KPNB1: variants seen among roughly 807,000 people sequenced by gnomAD.
KPNB1 encodes importin subunit beta-1.
KPNB1 carries 7 observed loss-of-function variants against 113.0 expected under a neutral mutation model. The observed-to-expected ratio is 0.06, with a 90% CI of 0.04 to 0.12. The LOEUF is 0.12. Among genes scored for constraint, KPNB1 ranks in the 10% least tolerant of loss-of-function variants. KPNB1 has a pLI of 1.00. For missense variants in KPNB1, 400 were observed against 1,054.8 expected, an observed-to-expected ratio of 0.38 and a Z score of 8.60; for synonymous variants, 363 against 378.6, an observed-to-expected ratio of 0.96 and a Z score of 0.48.
intron 4 of KPNB1, among the ~76,000 whole-genome samples, chr17:47,657,348 C>T (rs984115018): frequency 1.3e-5 from 2 of 152,170 alleles, no homozygotes; most frequent in African/African-American, 4.8e-5. Context: ...TTATCCCTGA[C>T]CCAGTCTTTT....
intron 19 of KPNB1, among the ~76,000 whole-genome samples, chr17:47,678,799 G>A (rs949417276): frequency 2.0e-5 from 3 of 152,306 alleles, no homozygotes; most frequent in African/African-American, 4.8e-5. Context: ...GTAGAGGCAA[G>A]CTTTCACCTT....
At chr17:47,658,250 A>G (rs2029967540) in intron 4 of KPNB1, among the ~76,000 whole-genome samples, 1 of 152,312 alleles carries the variant, frequency 6.6e-6, no homozygotes, top group South Asian at 2.1e-4. Flanking sequence ...ACATCCTCCC[A>G]TATACTTTAA....
chr17:47,657,481 G>C (rs1019051239), intron 4 of KPNB1, among the ~76,000 whole-genome samples: 1 of 152,048 alleles, frequency 6.6e-6, no homozygotes, highest in African/African-American at 2.4e-5. Flanking sequence ...TTTAGATGTA[G>C]CCCCCCCAGC....
In KPNB1 at chr17:47,673,870, T is replaced by G. The variant is rs78631623; in HGVS notation, c.1767+309T>G. 3.0e-4 allele frequency: 89 copies of G among 298,156 alleles called. No individual in the cohort carries two copies. The East Asian group carries it at 4.6e-3, about 15-fold the overall frequency. 18.5% of individuals were successfully genotyped at this position (298,156 alleles called of 1,614,324 possible). A position where few individuals can be genotyped will look rare whatever the true frequency, so the allele number is the denominator to read the frequency against. On this transcript the variant is annotated intron_variant, in intron 14 of 21. Transcript: ENST00000290158. ...CTCAGACCTCTCTTCCTCACTCGTT[T>G]GTTTCAACTAATGTCACTGTGTAGA... is the stretch of plus-strand genomic sequence containing the variant.
intron 8 of KPNB1, 87 bp downstream of exon 8, chr17:47,664,356 C>A: frequency 2.2e-6 from 2 of 912,098 alleles, no homozygotes. Context: ...GAACTTTATT[C>A]TGTCTGGGTT....
chr17:47,670,934 G>A, intron 12 of KPNB1, 102 bp downstream of exon 12: 1 of 1,039,574 alleles, frequency 9.6e-7, no homozygotes, highest in Non-Finnish European at 1.4e-6. Flanking sequence ...TAATGAGACA[G>A]GACAAGACTC....
At chr17:47,659,562 G>A (rs1455783331) in intron 5 of KPNB1, among the ~76,000 whole-genome samples, 1 of 152,064 alleles carries the variant, frequency 6.6e-6, no homozygotes, top group African/African-American at 2.4e-5. Context: ...AGACTAGCCT[G>A]TGCAACGTAA....
chr17:47,676,920 T>C, intron 16 of KPNB1, 100 bp from the exon 17 acceptor site: 1 of 836,610 alleles, frequency 1.2e-6, no homozygotes. Context: ...GATTTAACTC[T>C]AGGTTCAAGT....
In KPNB1 at chr17:47,672,940, T is replaced by C. The variant is rs1039024684; in HGVS notation, c.1548-78T>C. 14 of 1,409,632 alleles carry C rather than the reference T, an allele frequency of 9.9e-6. No individual in the cohort carries two copies. The African/African-American group carries it at 1.2e-4, about 12-fold the overall frequency. The allele number at this position is 1,409,632 out of a possible 1,614,324, so 87.3% of individuals were successfully genotyped here. A position where few individuals can be genotyped will look rare whatever the true frequency, so the allele number is the denominator to read the frequency against. On this transcript the variant is annotated intron_variant, in intron 12 of 21. Coordinates refer to ENST00000290158, the MANE Select transcript of KPNB1 (RefSeq NM_002265.6). ...AGACATACCGGTTCCTGAGTTCTTA[T>C]TTTTGGCAAGACATTGTCTATGTTC...
chr17:47,677,955 T>G, intron 17 of KPNB1, 91 bp from the exon 18 acceptor site: 1 of 1,291,512 alleles, frequency 7.7e-7, no homozygotes, highest in South Asian at 1.3e-5. Context: ...ATATTTAAAA[T>G]CAATAGTTGC....
At chr17:47,660,784 T>TA (rs1393006972) in intron 5 of KPNB1, among the ~76,000 whole-genome samples, 1 of 152,250 alleles carries the variant, frequency 6.6e-6, no homozygotes, top group Non-Finnish European at 1.5e-5. Context: ...CTGATTTTCC[T>TA]ACATGTAAAT....
At chr17:47,653,347 C>CA (rs1291091996) in intron 3 of KPNB1, among the ~76,000 whole-genome samples, 2 of 144,466 alleles carry the variant, frequency 1.4e-5, no homozygotes. Flanking sequence ...GATCTCGGCT[C>CA]ACTGCAGCCT....
Position 47,663,140 on chromosome 17 carries a change from C to A in KPNB1, c.748C>A (p.Gln250Lys). The change falls in exon 7 of 22, where the codon CAG becomes AAG. Residue 250 changes from glutamine to lysine, a missense_variant. Transcript: ENST00000290158. The part of the protein sequence containing the change: ...NLVKIMSLYY[Q>K]YMETYMGPAL... Reference sequence around the variant, plus strand: ...GGTGAAGATAATGTCCTTATATTATCAGTACATGGAGACATATATGGGTCC... The same window carrying A: ...GGTGAAGATAATGTCCTTATATTATAAGTACATGGAGACATATATGGGTCC... 6.3e-7 allele frequency: 1 copy of A among 1,597,120 alleles called. No individual in the cohort carries two copies. Among genetic ancestry groups the A allele is most frequent in the Non-Finnish European group, 8.6e-7 (1 of 1,164,724 alleles).
intron 9 of KPNB1, among the ~76,000 whole-genome samples, chr17:47,666,403 TG>T (rs1567891327): frequency 6.9e-6 from 1 of 145,504 alleles, no homozygotes; most frequent in African/African-American, 2.5e-5. Context: ...TTTGTGTGTG[TG>T]TGTGTGTGTG....
At chr17:47,674,555 A>C (rs1325390165) in intron 14 of KPNB1, 83 bp from the exon 15 acceptor site, 3 of 1,332,438 alleles carry the variant, frequency 2.3e-6, no homozygotes, top group Non-Finnish European at 3.1e-6. Flanking sequence ...CAAGGGACTT[A>C]ATTGATTTTA....
chr17:47,679,205 C>T (rs1340794398), intron 19 of KPNB1, among the ~76,000 whole-genome samples: 3 of 152,050 alleles, frequency 2.0e-5, no homozygotes, highest in Non-Finnish European at 2.9e-5. Context: ...GGATTTCAGG[C>T]GTGAGCCACT....
rs1014810467 is a variant in KPNB1, at chr17:47,662,974, G to A, written c.697-115G>A. The A allele has an allele frequency of 8.2e-6, 6 of 728,538 alleles. No homozygotes were observed. The Middle Eastern group carries it at 1.0e-3, about 126-fold the overall frequency. The allele number at this position is 728,538 out of a possible 1,614,324, so 45.1% of individuals were successfully genotyped here. A position where few individuals can be genotyped will look rare whatever the true frequency, so the allele number is the denominator to read the frequency against. On this transcript the variant is annotated intron_variant, in intron 6 of 21. Coordinates refer to ENST00000290158, the MANE Select transcript of KPNB1 (RefSeq NM_002265.6). Reference sequence around the variant, plus strand: ...GAATGAATTTTAGGGAAATGATAACGTATCCCATATTTACCTCAATTAATC... The same window carrying A: ...GAATGAATTTTAGGGAAATGATAACATATCCCATATTTACCTCAATTAATC...
chr17:47,657,403 A>G (rs559364787), intron 4 of KPNB1, among the ~76,000 whole-genome samples: 26 of 152,270 alleles, frequency 1.7e-4, no homozygotes, highest in Non-Finnish European at 2.9e-4. Flanking sequence ...GCGCATTTTC[A>G]TTTACAACAT....
Position 47,674,093 on chromosome 17 carries a change from C to T in KPNB1, c.1767+532C>T, listed in dbSNP as rs144715145. Among the ~76,000 whole-genome samples, 128 of 152,130 alleles carry T rather than the reference C, an allele frequency of 8.4e-4. 1 individual carries two copies. In the East Asian group the frequency reaches 0.022, roughly 26 times the overall value. On this transcript the variant is annotated intron_variant, in intron 14 of 21. Transcript: ENST00000290158. ...TAAAAATAAAGCCTTGAATTTGTACCGTCATCTTTTGAAACATTTGCTGTT... is the reference window on the plus strand; with the variant it reads ...TAAAAATAAAGCCTTGAATTTGTACTGTCATCTTTTGAAACATTTGCTGTT...
Sources: allele counts gnomAD v4.1 joint callset (sites outside exome capture counted in the v4.1 genomes callset), GRCh38; gene constraint gnomAD v4.1.1; transcripts MANE v1.5; gene names NCBI Gene and HGNC (gene_info 2026-07-23, HGNC 2026-07-21).